Variants in EFCAB13 observed in about 807,000 individuals in gnomAD.
EFCAB13 encodes the protein EF-hand calcium-binding domain-containing protein 13.
A neutral mutation model predicts 110.2 loss-of-function variants in EFCAB13; 91 were observed. That is an observed-to-expected ratio of 0.83 (90% CI 0.70 to 0.98). The LOEUF (loss-of-function observed/expected upper bound fraction) is 0.98, where lower values mean the gene tolerates loss of function less well. Ranked by LOEUF, EFCAB13 falls within the 50% of genes least tolerant of loss-of-function variation. The probability of loss-of-function intolerance (pLI) is 0.00; values close to 1 mark genes in which losing one functional copy is unlikely to be tolerated. For synonymous variants in EFCAB13, 323 were observed against 369.9 expected (o/e 0.87, Z 1.45); for missense variants, 968 against 1,119.4 (o/e 0.86, Z 1.93).
intron 23 of EFCAB13, among the ~76,000 whole-genome samples, chr17:47,426,037 G>A (rs1243091819): frequency 5.3e-5 from 8 of 152,170 alleles, no homozygotes; most frequent in African/African-American, 1.9e-4. Flanking sequence ...GACCAAGGTA[G>A]GCCAGTCAAT....
intron 23 of EFCAB13, among the ~76,000 whole-genome samples, chr17:47,421,849 T>A (rs1361908682): frequency 6.6e-6 from 1 of 152,162 alleles, no homozygotes; most frequent in East Asian, 1.9e-4. Context: ...TAACTCCAGG[T>A]TCAGACGGCT....
intron 16 of EFCAB13, 139 bp downstream of exon 16, chr17:47,394,238 G>T (rs1374709197): frequency 7.8e-6 from 4 of 514,360 alleles, no homozygotes; most frequent in African/African-American, 3.9e-5. Flanking sequence ...CTGGCTTCCT[G>T]CTGCTATATT....
chr17:47,353,724 C>T (rs1381194345), intron 9 of EFCAB13, among the ~76,000 whole-genome samples: 1 of 152,140 alleles, frequency 6.6e-6, no homozygotes, highest in Non-Finnish European at 1.5e-5. Flanking sequence ...CATTAATATG[C>T]CTATATATGC....
At chr17:47,416,297 C>T (rs1452351235) in intron 23 of EFCAB13, among the ~76,000 whole-genome samples, 2 of 152,146 alleles carry the variant, frequency 1.3e-5, no homozygotes, top group African/African-American at 4.8e-5. Context: ...CCACCTCTCT[C>T]CAGCTACTGA....
chr17:47,440,137 C>T (rs1467989483), intron 24 of EFCAB13, among the ~76,000 whole-genome samples: 1 of 152,066 alleles, frequency 6.6e-6, no homozygotes, highest in East Asian at 1.9e-4. Flanking sequence ...GAATACATCC[C>T]TTGACATACT....
chr17:47,396,850 A>G (rs1472006546), intron 17 of EFCAB13, among the ~76,000 whole-genome samples: 3 of 152,168 alleles, frequency 2.0e-5, no homozygotes, highest in Non-Finnish European at 2.9e-5. Context: ...TTTCTACCCA[A>G]TAATATAGAT....
At chr17:47,428,546 T>G (rs1905035535) in intron 23 of EFCAB13, among the ~76,000 whole-genome samples, 1 of 149,904 alleles carries the variant, frequency 6.7e-6, no homozygotes, top group South Asian at 2.1e-4. Flanking sequence ...CAAAAACCAA[T>G]AGAGTAGAAT....
chr17:47,338,146 A>G (rs190078569), intron 5 of EFCAB13, among the ~76,000 whole-genome samples: 20 of 152,328 alleles, frequency 1.3e-4, no homozygotes, highest in Admixed American at 5.9e-4. Context: ...CTCAACTTCA[A>G]TAAGGATATA....
chr17:47,398,144 C>A (rs1310072235), intron 17 of EFCAB13, among the ~76,000 whole-genome samples: 2 of 147,344 alleles, frequency 1.4e-5, no homozygotes, highest in Non-Finnish European at 3.0e-5. Flanking sequence ...CCAGCCACCC[C>A]GTCTGGGAGG....
At chr17:47,437,044 C>T (rs1296325752) in intron 24 of EFCAB13, among the ~76,000 whole-genome samples, 2 of 152,048 alleles carry the variant, frequency 1.3e-5, no homozygotes, top group African/African-American at 2.4e-5. Flanking sequence ...GCAGGTTATT[C>T]AAATTTTCTT....
At chr17:47,430,767 T>A (rs907319923) in intron 24 of EFCAB13, 9 of 151,998 alleles carry the variant, frequency 5.9e-5, no homozygotes, top group African/African-American at 1.9e-4. Flanking sequence ...TGTAGCTTCT[T>A]TTTTTTACTC....
At chr17:47,378,731 G>A (rs2065630173) in intron 13 of EFCAB13, among the ~76,000 whole-genome samples, 1 of 152,122 alleles carries the variant, frequency 6.6e-6, no homozygotes, top group African/African-American at 2.4e-5. Context: ...AGATAGAGAT[G>A]GGAATCCTTG....
intron 9 of EFCAB13, among the ~76,000 whole-genome samples, chr17:47,350,226 G>A (rs564088897): frequency 1.3e-5 from 2 of 152,222 alleles, no homozygotes; most frequent in South Asian, 4.2e-4. Flanking sequence ...ACTAGTGTGG[G>A]CTGAGAAAAA....
chr17:47,341,196 GA>G (rs1464680108), intron 5 of EFCAB13, among the ~76,000 whole-genome samples: 2 of 152,096 alleles, frequency 1.3e-5, no homozygotes, highest in African/African-American at 2.4e-5. Context: ...ACTTATAGAT[GA>G]AAAGAAGTTA....
intron 14 of EFCAB13, among the ~76,000 whole-genome samples, chr17:47,382,793 C>G (rs1253051475): frequency 6.6e-6 from 1 of 152,090 alleles, no homozygotes. Context: ...TGATGCTGGC[C>G]TCATAAAATG....
intron 21 of EFCAB13, among the ~76,000 whole-genome samples, chr17:47,411,864 G>A (rs756358488): frequency 7.2e-5 from 11 of 152,166 alleles, no homozygotes; most frequent in Non-Finnish European, 1.2e-4. Flanking sequence ...GGCTGACGCC[G>A]GTGGATCACT....
intron 11 of EFCAB13, among the ~76,000 whole-genome samples, chr17:47,372,898 G>A (rs1382361698): frequency 1.3e-5 from 2 of 152,058 alleles, no homozygotes; most frequent in Non-Finnish European, 2.9e-5. Flanking sequence ...TCTTGGTGTA[G>A]TCTTGTTTGA....
At chr17:47,377,241 G>A (rs1043113697) in intron 12 of EFCAB13, among the ~76,000 whole-genome samples, 1 of 151,996 alleles carries the variant, frequency 6.6e-6, no homozygotes, top group Non-Finnish European at 1.5e-5. Context: ...AGTGCACTGC[G>A]ACCTCTGCCT....
In EFCAB13 at chr17:47,335,227, G is replaced by T; in HGVS notation, c.62G>T (p.Gly21Val). Reference protein sequence around the residue: ...AEENIDLLDDGSNSFATDLSS... With the variant: ...AEENIDLLDDVSNSFATDLSS... ...GAAAATATTGACTTATTAGATGATG[G>T]CTCTAATTCTTTTGCAACTGACTTG... The change falls in exon 5 of 25, where the codon GGC (glycine) becomes GTC (valine). Residue 21 changes from glycine to valine, a missense_variant. By Grantham distance (109) the Gly-to-Val change is moderately radical (BLOSUM62 -3). Transcript: ENST00000331493. 1.2e-6 allele frequency: 2 copies of T among 1,608,382 alleles called. No homozygotes were observed. Among genetic ancestry groups the T allele is most frequent in the Non-Finnish European group, 1.7e-6 (2 of 1,178,372 alleles).
Sources: allele counts gnomAD v4.1 joint callset (sites outside exome capture counted in the v4.1 genomes callset), GRCh38; gene constraint gnomAD v4.1.1; transcripts MANE v1.5; gene names NCBI Gene and HGNC (gene_info 2026-07-23, HGNC 2026-07-21).